Variants in ATRNL1 observed in about 807,000 individuals in gnomAD.
The protein encoded by ATRNL1 is attractin like 1, also known as attractin-like protein 1.
Under a neutral mutation model 182.7 loss-of-function variants are expected in ATRNL1, and 95 were observed. The ratio of observed to expected loss-of-function variants is 0.52; its 90% CI spans 0.44 to 0.62. The LOEUF (loss-of-function observed/expected upper bound fraction) is 0.62. ATRNL1 is among the 20% of genes least tolerant of loss of function. The pLI, the probability that ATRNL1 is intolerant of heterozygous loss-of-function variation, is 0.00. For synonymous variants in ATRNL1, 576 were observed against 568.3 expected (o/e 1.01, Z -0.19); for missense variants, 1,471 against 1,679.5 (o/e 0.88, Z 2.17).
intron 26 of ATRNL1, among the ~76,000 whole-genome samples, chr10:115,594,530 T>C (rs1446970573): frequency 6.6e-6 from 1 of 152,168 alleles, no homozygotes; most frequent in Admixed American, 6.5e-5. Context: ...GTTTTGAGAC[T>C]GTGTCTCACT....
At chr10:115,873,185 A>C (rs568748553) in intron 28 of ATRNL1, among the ~76,000 whole-genome samples, 1 of 152,110 alleles carries the variant, frequency 6.6e-6, no homozygotes, top group African/African-American at 2.4e-5. Flanking sequence ...TATAACTTCT[A>C]CCTGTACTGT....
intron 26 of ATRNL1, among the ~76,000 whole-genome samples, chr10:115,678,412 T>C (rs959490557): frequency 6.6e-6 from 1 of 152,068 alleles, no homozygotes; most frequent in Non-Finnish European, 1.5e-5. Flanking sequence ...CTCTCCCACT[T>C]TTGTTATTAT....
At chr10:115,519,921 T>C (rs1440709966) in intron 25 of ATRNL1, among the ~76,000 whole-genome samples, 1 of 152,216 alleles carries the variant, frequency 6.6e-6, no homozygotes, top group Non-Finnish European at 1.5e-5. Context: ...AGGGAACATT[T>C]ATTTTCATTT....
intron 27 of ATRNL1, among the ~76,000 whole-genome samples, chr10:115,775,380 GCTTT>G (rs1949097589): frequency 6.6e-6 from 1 of 152,020 alleles, no homozygotes; most frequent in South Asian, 2.1e-4. Context: ...TGTATACAGA[GCTTT>G]CTTTCTTAAT....
At chr10:115,862,687 C>A (rs528245340) in intron 28 of ATRNL1, among the ~76,000 whole-genome samples, 2 of 152,232 alleles carry the variant, frequency 1.3e-5, no homozygotes, top group South Asian at 4.1e-4. Flanking sequence ...ACCCAGCAGT[C>A]CCACTTCTAG....
chr10:115,354,033 C>T (rs1224070249), intron 19 of ATRNL1, among the ~76,000 whole-genome samples: 2 of 152,122 alleles, frequency 1.3e-5, no homozygotes, highest in Non-Finnish European at 2.9e-5. Context: ...AATTGTTGCA[C>T]TAGAGCAAGC....
chr10:115,488,281 G>A (rs1235772010), intron 24 of ATRNL1, among the ~76,000 whole-genome samples: 1 of 152,186 alleles, frequency 6.6e-6, no homozygotes, highest in Non-Finnish European at 1.5e-5. Context: ...GTTTGGAATA[G>A]TTTCAGAAGG....
rs538748692 is a variant in ATRNL1, at chr10:115,757,536, T to G, written c.3903+30181T>G. On this transcript the variant is annotated intron_variant, in intron 27 of 28. Coordinates refer to ENST00000355044, the MANE Select transcript of ATRNL1 (RefSeq NM_207303.4). ...TTTCTGTCAAGAAATCCACTGTTAG[T>G]CTGATGGGCTTCCCTTTGTGGGTAA... 7.9e-5 allele frequency among the ~76,000 whole-genome samples: 12 copies of G among 152,324 alleles called. No individual in the cohort carries two copies. In the South Asian group the frequency reaches 2.5e-3, roughly 32 times the overall value.
chr10:115,147,244 T>C (rs1554879601), intron 5 of ATRNL1, among the ~76,000 whole-genome samples: 1 of 152,190 alleles, frequency 6.6e-6, no homozygotes, highest in African/African-American at 2.4e-5. Flanking sequence ...CTATTTTTCA[T>C]GTACCTGTTG....
intron 9 of ATRNL1, among the ~76,000 whole-genome samples, chr10:115,230,800 G>T (rs931202843): frequency 5.3e-5 from 8 of 149,700 alleles, no homozygotes; most frequent in Admixed American, 4.7e-4. Flanking sequence ...GAATTGGTTG[G>T]ATTCCGAATA....
At chr10:115,379,938 C>T (rs782117288) in intron 19 of ATRNL1, among the ~76,000 whole-genome samples, 6 of 152,160 alleles carry the variant, frequency 3.9e-5, no homozygotes, top group Non-Finnish European at 7.3e-5. Context: ...ACCCTTCTCT[C>T]GCCTCAGCCT....
chr10:115,566,199 T>C (rs1385636395), intron 26 of ATRNL1, among the ~76,000 whole-genome samples: 1 of 152,046 alleles, frequency 6.6e-6, no homozygotes, highest in East Asian at 1.9e-4. Flanking sequence ...CTTCCCAAAT[T>C]GTTGGGATTA....
chr10:115,401,101 C>G (rs1435204563), intron 20 of ATRNL1, among the ~76,000 whole-genome samples: 1 of 151,346 alleles, frequency 6.6e-6, no homozygotes. Context: ...GAATAGCACC[C>G]CCTAGAACTT....
At chr10:115,876,725 T>C (rs576247935) in intron 28 of ATRNL1, among the ~76,000 whole-genome samples, 1 of 152,346 alleles carries the variant, frequency 6.6e-6, no homozygotes, top group Admixed American at 6.5e-5. Context: ...GCTAAGGTCG[T>C]GTACATTGAA....
At chr10:115,475,405 C>T (rs1401498165) in intron 24 of ATRNL1, among the ~76,000 whole-genome samples, 1 of 151,386 alleles carries the variant, frequency 6.6e-6, no homozygotes, top group Non-Finnish European at 1.5e-5. Flanking sequence ...GTTATGATGT[C>T]AGTAATGATG....
chr10:115,156,293 G>T (rs1269652433), intron 5 of ATRNL1, among the ~76,000 whole-genome samples: 3 of 152,108 alleles, frequency 2.0e-5, no homozygotes, highest in African/African-American at 7.2e-5. Flanking sequence ...CTTAAGAATG[G>T]CACCAAAGTT....
intron 1 of ATRNL1, among the ~76,000 whole-genome samples, chr10:115,095,590 A>C (rs1354203670): frequency 6.6e-6 from 1 of 152,152 alleles, no homozygotes; most frequent in Non-Finnish European, 1.5e-5. Flanking sequence ...GTAGTATAGT[A>C]ATGTAGTTTT....
intron 19 of ATRNL1, among the ~76,000 whole-genome samples, chr10:115,365,314 G>A (rs2134171902): frequency 6.6e-6 from 1 of 151,776 alleles, no homozygotes; most frequent in South Asian, 2.1e-4. Flanking sequence ...GCATAGAGGT[G>A]TTTGTAGTAT....
intron 28 of ATRNL1, among the ~76,000 whole-genome samples, chr10:115,927,379 G>GT (rs1173529870): frequency 6.6e-6 from 1 of 152,044 alleles, no homozygotes; most frequent in East Asian, 1.9e-4. Context: ...GATTAATAAT[G>GT]TTTGAACATT....
Sources: allele counts gnomAD v4.1 joint callset (sites outside exome capture counted in the v4.1 genomes callset), GRCh38; gene constraint gnomAD v4.1.1; transcripts MANE v1.5; gene names NCBI Gene and HGNC (gene_info 2026-07-23, HGNC 2026-07-21).